Variants in PBRM1 observed in about 807,000 individuals in gnomAD.
The protein encoded by PBRM1 is polybromo 1, also known as protein polybromo-1.
In PBRM1, 27 loss-of-function variants were observed where a neutral mutation model predicts 194.5. The ratio of observed to expected loss-of-function variants is 0.14; its 90% CI spans 0.10 to 0.19. PBRM1 has a LOEUF of 0.19. Ranked by LOEUF, PBRM1 falls within the 10% of genes least tolerant of loss-of-function variation. The pLI, the probability that PBRM1 is intolerant of heterozygous loss-of-function variation, is 1.00. For missense variants in PBRM1, 1,466 were observed against 2,077.2 expected, an observed-to-expected ratio of 0.71 and a Z score of 5.72; for synonymous variants, 655 against 693.2, an observed-to-expected ratio of 0.94 and a Z score of 0.87.
At chr3:52,588,946 C>T (rs1413650815) in intron 18 of PBRM1, 124 bp downstream of exon 20, 4 of 677,418 alleles carry the variant, frequency 5.9e-6, no homozygotes, top group East Asian at 5.3e-5. Flanking sequence ...CATTTATTGA[C>T]ATATTGAACA....
At chr3:52,651,138 A>T (rs2096481913) in intron 6 of PBRM1, among the ~76,000 whole-genome samples, 1 of 152,250 alleles carries the variant, frequency 6.6e-6, no homozygotes. Context: ...TTAAGAATTA[A>T]TTAGCTAATA....
At chr3:52,600,520 C>T (rs1276759740) in intron 17 of PBRM1, among the ~76,000 whole-genome samples, 1 of 152,028 alleles carries the variant, frequency 6.6e-6, no homozygotes, top group Admixed American at 6.5e-5. Flanking sequence ...TTTTTTAGTT[C>T]TTTTTCATGA....
chr3:52,638,963 A>T (rs921255061), intron 10 of PBRM1, among the ~76,000 whole-genome samples: 5 of 117,364 alleles, frequency 4.3e-5, no homozygotes, highest in African/African-American at 1.7e-4. Flanking sequence ...ATATATTTGC[A>T]TAACGTTATT....
At chr3:52,562,696 A>G (rs1440998316) in intron 24 of PBRM1, among the ~76,000 whole-genome samples, 1 of 151,952 alleles carries the variant, frequency 6.6e-6, no homozygotes, top group East Asian at 1.9e-4. Context: ...GGTGTGCATC[A>G]CCATGCCTAA....
intron 20 of PBRM1, among the ~76,000 whole-genome samples, chr3:52,582,229 G>A (rs1370234597): frequency 2.0e-4 from 25 of 122,746 alleles, no homozygotes; most frequent in African/African-American, 6.6e-4. Flanking sequence ...GCGACAGAGC[G>A]AGACTCCGTT....
rs2096241731 is a variant in PBRM1, at chr3:52,644,809, TG to T, written c.814-21del. 8.0e-7 allele frequency: 1 copy of T among 1,252,996 alleles called. No homozygotes were observed. Among genetic ancestry groups the T allele is most frequent in the Non-Finnish European group, 1.2e-6 (1 of 861,772 alleles). The allele number at this position is 1,252,996 out of a possible 1,614,324, so 77.6% of individuals were successfully genotyped here. On this transcript the variant is annotated intron_variant, in intron 7 of 29. Coordinates refer to ENST00000296302, the Ensembl canonical transcript of PBRM1. ...TGCATCCTGTCAAGATAAAATTACT[TG>T]GTTTAAAAAAGGAACAGATAAAAGG...
chr3:52,583,836 G>T (rs1442930157), intron 20 of PBRM1, among the ~76,000 whole-genome samples: 2 of 152,118 alleles, frequency 1.3e-5, no homozygotes, highest in Non-Finnish European at 2.9e-5. Flanking sequence ...GTAGAGACAA[G>T]GTCTTGCTAT....
At chr3:52,682,705 CCT>C (rs1331278760), upstream of PBRM1, among the ~76,000 whole-genome samples, 1 of 152,196 alleles carries the variant, frequency 6.6e-6, no homozygotes, top group African/African-American at 2.4e-5. Flanking sequence ...AAGTCTTCCA[CCT>C]CTGATTATCA....
intron 1 of PBRM1, chr3:52,685,056 G>C (rs1578523498): frequency 6.6e-6 from 1 of 152,166 alleles, no homozygotes; most frequent in Non-Finnish European, 1.5e-5. Context: ...TGGAAAGTAA[G>C]TTAATTAAAA....
chr3:52,628,613 G>A (rs970219769), intron 12 of PBRM1, among the ~76,000 whole-genome samples: 1 of 151,908 alleles, frequency 6.6e-6, no homozygotes, highest in African/African-American at 2.4e-5. Context: ...TGGGACTACA[G>A]GCGTGTGCCA....
exon 1 of PBRM1, chr3:52,685,763 G>A: frequency 5.1e-6 from 1 of 194,942 alleles, no homozygotes; most frequent in Non-Finnish European, 1.0e-5. Flanking sequence ...CCGCTCCGCC[G>A]CCTGCAGCCC....
At chr3:52,567,537 G>T (rs2085641628) in intron 22 of PBRM1, among the ~76,000 whole-genome samples, 1 of 132,920 alleles carries the variant, frequency 7.5e-6, no homozygotes, top group Non-Finnish European at 1.5e-5. Flanking sequence ...AATGTCTTCT[G>T]GATCTTTGAC....
At chr3:52,604,127 T>C (rs2094184180) in intron 16 of PBRM1, among the ~76,000 whole-genome samples, 1 of 152,228 alleles carries the variant, frequency 6.6e-6, no homozygotes, top group African/African-American at 2.4e-5. Context: ...TTTTACTTTC[T>C]CTTAATAGCA....
chr3:52,680,957 T>G (rs375209160), upstream of PBRM1, among the ~76,000 whole-genome samples: 1 of 151,924 alleles, frequency 6.6e-6, no homozygotes, highest in Non-Finnish European at 1.5e-5. Context: ...CCAGTTTCAC[T>G]CATCAACACT....
chr3:52,611,839 C>T (rs369147366), intron 15 of PBRM1, among the ~76,000 whole-genome samples: 2 of 151,896 alleles, frequency 1.3e-5, no homozygotes, highest in Admixed American at 6.6e-5. Context: ...ACACAAAAAA[C>T]CCCACAACAT....
chr3:52,637,616 C>G (rs921891272), intron 10 of PBRM1, among the ~76,000 whole-genome samples: 2 of 147,768 alleles, frequency 1.4e-5, no homozygotes, highest in Admixed American at 6.7e-5. Flanking sequence ...CTGGGTGACA[C>G]AGTAAAACCC....
intron 10 of PBRM1, among the ~76,000 whole-genome samples, chr3:52,640,832 T>G (rs756968603): frequency 6.6e-6 from 1 of 151,840 alleles, no homozygotes; most frequent in Non-Finnish European, 1.5e-5. Context: ...AGAGACACGG[T>G]TTCACCATGT....
intron 10 of PBRM1, among the ~76,000 whole-genome samples, chr3:52,635,618 C>T (rs1336637908): frequency 1.3e-5 from 2 of 151,926 alleles, no homozygotes; most frequent in Non-Finnish European, 2.9e-5. Flanking sequence ...AAAGATAATG[C>T]TAAAAAGGCT....
chr3:52,679,634 C>T (rs759490708), exon 1 of PBRM1: 3 of 1,614,106 alleles, frequency 1.9e-6, no homozygotes, highest in South Asian at 2.2e-5. Flanking sequence ...CTGGTGTTGA[C>T]ACAGAATGGT....
Sources: allele counts gnomAD v4.1 joint callset (sites outside exome capture counted in the v4.1 genomes callset), GRCh38; gene constraint gnomAD v4.1.1; transcripts MANE v1.5; gene names NCBI Gene and HGNC (gene_info 2026-07-23, HGNC 2026-07-21).